Variants in PTPRG observed in about 807,000 individuals in gnomAD.
PTPRG encodes the protein receptor-type tyrosine-protein phosphatase gamma.
PTPRG carries 102 observed loss-of-function variants against 165.3 expected under a neutral mutation model. The observed-to-expected ratio is 0.62, with a 90% CI of 0.53 to 0.73. The LOEUF (loss-of-function observed/expected upper bound fraction) is 0.73, where lower values mean the gene tolerates loss of function less well. Ranked by LOEUF, PTPRG falls within the 30% of genes least tolerant of loss-of-function variation. The pLI, the probability that PTPRG is intolerant of heterozygous loss-of-function variation, is 0.00. For synonymous variants in PTPRG, 675 were observed against 669.5 expected (o/e 1.01, Z -0.13); for missense variants, 1,866 against 1,861.4 (o/e 1.00, Z -0.05).
chr3:61,795,088 G>A (rs1435798614), intron 2 of PTPRG, among the ~76,000 whole-genome samples: 1 of 152,090 alleles, frequency 6.6e-6, no homozygotes, highest in Non-Finnish European at 1.5e-5. Flanking sequence ...TAATCCTCCT[G>A]CCAGCCTTAT....
At position 62,273,087 on chromosome 3, in the gene PTPRG, G is replaced by A. The variant is rs766952513; in HGVS notation, c.3318+6G>A. The A allele has an allele frequency of 6.2e-7, 1 of 1,602,930 alleles. No homozygotes were observed. The highest frequency in any genetic ancestry group is 8.5e-7 in the Non-Finnish European group (1 of 1,176,088). On this transcript the variant is annotated splice_donor_region_variant and intron_variant, in intron 22 of 29. Coordinates refer to ENST00000474889, the MANE Select transcript of PTPRG (RefSeq NM_002841.4). This position sits in a 1 kb window ranked among gnomAD's most constrained non-coding sequence, Gnocchi z 4.1. The stretch of plus-strand genomic sequence containing the variant: ...ACTACCTCGTCCAGACTGAGGTAAG[G>A]AGTAGCTGCCAGCGTCCTCACGACA...
At position 62,168,181 on chromosome 3, in the gene PTPRG, G is replaced by A; in HGVS notation, c.1033+18G>A. Reference sequence around the variant, plus strand: ...CTCTAAAGGTATATTTGGCTTAAGTGCCTTGCCCAGAGGAAGATTCCTTAT... The same window carrying A: ...CTCTAAAGGTATATTTGGCTTAAGTACCTTGCCCAGAGGAAGATTCCTTAT... On this transcript the variant is annotated intron_variant, in intron 8 of 29. Transcript: ENST00000474889. 6.3e-7 allele frequency: 1 copy of A among 1,582,724 alleles called. No individual in the cohort carries two copies. Among genetic ancestry groups the A allele is most frequent in the Non-Finnish European group, 8.6e-7 (1 of 1,163,618 alleles).
intron 5 of PTPRG, among the ~76,000 whole-genome samples, chr3:62,116,385 G>A (rs1702870901): frequency 6.6e-6 from 1 of 152,150 alleles, no homozygotes; most frequent in Admixed American, 6.6e-5. Context: ...ACTGCATCAA[G>A]TTGGTGATGC....
At chr3:61,571,654 C>T (rs554669617) in intron 1 of PTPRG, among the ~76,000 whole-genome samples, 2 of 152,210 alleles carry the variant, frequency 1.3e-5, no homozygotes, top group East Asian at 3.9e-4. Flanking sequence ...TGACACTACT[C>T]CTCTTCCAAA....
At chr3:62,292,294 C>T (rs906447927) in intron 28 of PTPRG, 127 bp from the exon 29 acceptor site, 8 of 1,039,928 alleles carry the variant, frequency 7.7e-6, no homozygotes, top group African/African-American at 3.3e-5. Context: ...TTCATTCAGT[C>T]GTGTCTTTAG....
At chr3:61,659,470 C>G in intron 1 of PTPRG, 2 of 982,176 alleles carry the variant, frequency 2.0e-6, no homozygotes, top group Non-Finnish European at 2.4e-6. Context: ...AGTGGGGTGA[C>G]CAGGAAGGAG....
chr3:62,204,404 A>T (rs1700177038), intron 12 of PTPRG, among the ~76,000 whole-genome samples: 2 of 152,170 alleles, frequency 1.3e-5, no homozygotes, highest in South Asian at 4.1e-4. Context: ...ACAGATGACA[A>T]GACAGTAGCT....
chr3:62,089,422 A>G (rs1701856562), intron 5 of PTPRG, among the ~76,000 whole-genome samples: 1 of 152,100 alleles, frequency 6.6e-6, no homozygotes, highest in Non-Finnish European at 1.5e-5. Flanking sequence ...TGATTGTGAT[A>G]TTTTTCAAGA....
At chr3:61,977,704 T>A (rs970098845) in intron 2 of PTPRG, among the ~76,000 whole-genome samples, 5 of 152,204 alleles carry the variant, frequency 3.3e-5, no homozygotes, top group African/African-American at 9.7e-5. Flanking sequence ...TGATTCAGTG[T>A]TCAAAGAGTA....
At chr3:61,603,881 G>A (rs1217616576) in intron 1 of PTPRG, among the ~76,000 whole-genome samples, 1 of 152,132 alleles carries the variant, frequency 6.6e-6, no homozygotes, top group African/African-American at 2.4e-5. Flanking sequence ...AAGGACACCA[G>A]TCATATTGGA....
At chr3:62,017,588 TG>T (rs2041578730) in intron 4 of PTPRG, among the ~76,000 whole-genome samples, 1 of 84,832 alleles carries the variant, frequency 1.2e-5, no homozygotes, top group Admixed American at 1.6e-4. Flanking sequence ...GCTAATTTTT[TG>T]TATTTTTTTT....
Position 61,761,790 on chromosome 3 carries a change from A to T in PTPRG, c.190+12808A>T, listed in dbSNP as rs145969410. On this transcript the variant is annotated intron_variant, in intron 2 of 29. Transcript: ENST00000474889. ...AAGCCTTTTTCTGGGGGAGGAAAAC[A>T]ACCTTCTTCTTAAAGCTGCATGAAA... is the stretch of plus-strand genomic sequence containing the variant. 2.8e-3 allele frequency among the ~76,000 whole-genome samples: 425 copies of T among 152,270 alleles called. 4 individuals are homozygous for T. The highest frequency in any genetic ancestry group is 0.01 in the African/African-American group (417 of 41,544).
chr3:61,985,123 A>G (rs1405189281), intron 2 of PTPRG, among the ~76,000 whole-genome samples: 3 of 152,232 alleles, frequency 2.0e-5, no homozygotes, highest in African/African-American at 7.2e-5. Context: ...CTAGCCAAAG[A>G]TGGGATTAAG....
intron 10 of PTPRG, among the ~76,000 whole-genome samples, chr3:62,198,429 T>A (rs142551189): frequency 6.6e-6 from 1 of 152,172 alleles, no homozygotes; most frequent in Non-Finnish European, 1.5e-5. Flanking sequence ...ACCTGCAGTC[T>A]TCAACAAAAG....
chr3:61,725,335 C>T (rs1236220930), intron 1 of PTPRG, among the ~76,000 whole-genome samples: 2 of 152,168 alleles, frequency 1.3e-5, no homozygotes, highest in East Asian at 1.9e-4. Context: ...CCAGGCTGAT[C>T]TGGAGCTCCT....
At chr3:62,149,528 C>A (rs889142875) in intron 6 of PTPRG, among the ~76,000 whole-genome samples, 3 of 152,172 alleles carry the variant, frequency 2.0e-5, no homozygotes, top group African/African-American at 4.8e-5. Flanking sequence ...TTGGCCTCCC[C>A]CAAAGTACTG....
chr3:61,929,526 C>G (rs2107579960), intron 2 of PTPRG, among the ~76,000 whole-genome samples: 1 of 152,280 alleles, frequency 6.6e-6, no homozygotes, highest in African/African-American at 2.4e-5. Context: ...TTCCTTTGAG[C>G]AAAGTTCATG....
intron 4 of PTPRG, among the ~76,000 whole-genome samples, chr3:62,037,520 GGCAAA>G (rs1699985305): frequency 6.6e-6 from 1 of 152,134 alleles, no homozygotes; most frequent in Non-Finnish European, 1.5e-5. Context: ...CCCTTGGGGG[GGCAAA>G]ATCGTCTCCA....
rs113924679 is a variant in PTPRG at position 62,041,323 on chromosome 3, G to A, written c.520-36840G>A. Among the ~76,000 whole-genome samples the A allele has an allele frequency of 9.2e-4, 140 of 152,288 alleles. 1 individual carries two copies. Among genetic ancestry groups the A allele is most frequent in the Middle Eastern group, 3.4e-3 (1 of 290 alleles). On this transcript the variant is annotated intron_variant, in intron 4 of 29. Coordinates refer to ENST00000474889, the MANE Select transcript of PTPRG (RefSeq NM_002841.4). Reference sequence around the variant, plus strand: ...ATTTGATAAATCCAGGAGACAGAACGTTGTTTCTTACCTCGTAGTACTTGA... The same window carrying A: ...ATTTGATAAATCCAGGAGACAGAACATTGTTTCTTACCTCGTAGTACTTGA...
Sources: gnomAD v4.1 joint callset for allele counts (sites outside exome capture counted in the v4.1 genomes callset) on GRCh38, gnomAD v4.1.1 for gene constraint, Gnocchi (gnomAD v3.1) non-coding constraint, MANE v1.5 for transcripts, NCBI Gene and HGNC (gene_info 2026-07-23, HGNC 2026-07-21) for gene names.